Variants in PIK3C3 observed in about 807,000 individuals in gnomAD.
The protein encoded by PIK3C3 is PI3-kinase type 3.
A neutral mutation model predicts 126.1 loss-of-function variants in PIK3C3; 95 were observed. That is an observed-to-expected ratio of 0.75 (90% CI 0.64 to 0.89). PIK3C3 has a LOEUF of 0.89. PIK3C3 is among the 40% of genes least tolerant of loss of function. The pLI is 0.00. For synonymous variants in PIK3C3, 374 were observed against 360.0 expected (o/e 1.04, Z -0.44); for missense variants, 829 against 1,063.2 (o/e 0.78, Z 3.06).
chr18:42,035,190 A>G (rs1290776948), intron 16 of PIK3C3, among the ~76,000 whole-genome samples: 1 of 152,120 alleles, frequency 6.6e-6, no homozygotes. Context: ...CTTGCAGTCT[A>G]CTGGAGACTG....
At position 42,058,016 on chromosome 18, in the gene PIK3C3, T is replaced by C; in HGVS notation, c.2397T>C (p.Arg799=). 1.2e-6 allele frequency: 2 copies of C among 1,611,112 alleles called. No homozygotes were observed. The highest frequency in any genetic ancestry group is 3.4e-5 in the Admixed American group (2 of 59,400). The part of the protein sequence containing the change: ...GTQSEQYQEF[R]KQCYTAFLHL... ...AGAGTGAGCAGTACCAAGAGTTCCG[T>C]AAACAGTGTTACACGGCTTTCCTCC... The change falls in exon 22 of 25, where the codon CGT becomes CGC. Residue 799 remains arginine (R), a synonymous_variant. Coordinates refer to ENST00000262039, the MANE Select transcript of PIK3C3 (RefSeq NM_002647.4).
rs1986370169 is a variant in PIK3C3, at chr18:42,085,009, C to T, written c.*3872C>T. Reference sequence around the variant, plus strand: ...TTTGAGGCTCTGTTACGCTGGTCATCCAACCCAACCAGGTATCTCTTGTTA... The same window carrying T: ...TTTGAGGCTCTGTTACGCTGGTCATTCAACCCAACCAGGTATCTCTTGTTA... On this transcript the variant is annotated 3_prime_UTR_variant, in exon 25 of 25. Coordinates refer to ENST00000262039, the MANE Select transcript of PIK3C3 (RefSeq NM_002647.4). 6.6e-6 allele frequency: 1 copy of T among 152,220 alleles called. No individual in the cohort carries two copies. Among genetic ancestry groups the T allele is most frequent in the Non-Finnish European group, 1.5e-5 (1 of 68,038 alleles). 9.4% of individuals were successfully genotyped at this position (152,220 alleles called of 1,614,324 possible).
rs1986348124 is a variant in PIK3C3 at position 42,084,409 on chromosome 18, C to A, written c.*3272C>A. The A allele has an allele frequency of 6.6e-6, 1 of 151,870 alleles. No homozygotes were observed. The highest frequency in any genetic ancestry group is 1.5e-5 in the Non-Finnish European group (1 of 67,974). 9.4% of individuals were successfully genotyped at this position (151,870 alleles called of 1,614,324 possible). A position where few individuals can be genotyped will look rare whatever the true frequency, so the allele number is the denominator to read the frequency against. ...AAATTTGAAGAACAATGTGAACTTT[C>A]TATAATTATATACAGAAAATATACT... On this transcript the variant is annotated 3_prime_UTR_variant, in exon 25 of 25. Transcript: ENST00000262039.
chr18:42,019,439 C>G (rs1983223096), intron 12 of PIK3C3, among the ~76,000 whole-genome samples: 1 of 152,126 alleles, frequency 6.6e-6, no homozygotes, highest in South Asian at 2.1e-4. Flanking sequence ...GACCTTAATA[C>G]TTTTGGTTGC....
intron 12 of PIK3C3, 73 bp from the exon 13 acceptor site, chr18:42,020,565 A>G: frequency 1.1e-6 from 1 of 949,500 alleles, no homozygotes; most frequent in East Asian, 2.5e-5. Context: ...CTGATAGGCA[A>G]ATGTAAACTT....
intron 13 of PIK3C3, chr18:42,025,963 T>C (rs1236649669): frequency 1.3e-5 from 2 of 152,162 alleles, no homozygotes; most frequent in South Asian, 2.1e-4. Flanking sequence ...TCTCATGAAG[T>C]TGACCATCTG....
At chr18:41,962,422 G>T (rs936991960) in intron 2 of PIK3C3, 67 bp from the exon 3 acceptor site, 7 of 1,288,218 alleles carry the variant, frequency 5.4e-6, no homozygotes, top group African/African-American at 4.8e-5. Context: ...TTTTTGTGTG[G>T]TTTGTTAATT....
rs561582471 is a variant in PIK3C3 at position 42,064,546 on chromosome 18, G to A, written c.2433-194G>A. 2.1e-5 allele frequency: 11 copies of A among 523,730 alleles called. No individual in the cohort carries two copies. The East Asian group carries it at 3.3e-4, about 16-fold the overall frequency. The allele number at this position is 523,730 out of a possible 1,614,324, so 32.4% of individuals were successfully genotyped here. A position where few individuals can be genotyped will look rare whatever the true frequency, so the allele number is the denominator to read the frequency against. On this transcript the variant is annotated intron_variant, in intron 22 of 24. Coordinates refer to ENST00000262039, the MANE Select transcript of PIK3C3 (RefSeq NM_002647.4). ...CCATGGTGTAGGATTTAGAAATGGT[G>A]TTATACGAAGACCCCAAAATAAAAT...
At chr18:42,042,449 T>C (rs1326341455) in intron 19 of PIK3C3, among the ~76,000 whole-genome samples, 1 of 152,222 alleles carries the variant, frequency 6.6e-6, no homozygotes, top group Non-Finnish European at 1.5e-5. Flanking sequence ...TCAGTGGTCC[T>C]GGGGACCCGT....
At chr18:42,024,813 C>CT (rs1275997485) in intron 13 of PIK3C3, among the ~76,000 whole-genome samples, 5 of 139,886 alleles carry the variant, frequency 3.6e-5, no homozygotes, top group Admixed American at 7.1e-5. Flanking sequence ...TTTTTTTTTT[C>CT]TTTTTTTTGA....
intron 12 of PIK3C3, 128 bp downstream of exon 12, chr18:42,015,694 A>G (rs1338022762): frequency 1.5e-6 from 1 of 674,224 alleles, no homozygotes; most frequent in Non-Finnish European, 2.5e-6. Flanking sequence ...AACTTACTTT[A>G]TGATGCACGT....
chr18:42,047,847 A>G (rs1260681627), intron 20 of PIK3C3, among the ~76,000 whole-genome samples: 3 of 152,194 alleles, frequency 2.0e-5, no homozygotes, highest in African/African-American at 7.2e-5. Context: ...AGTCTGTGGG[A>G]TCACATTTTG....
chr18:41,979,930 C>T (rs1981114479), intron 4 of PIK3C3, among the ~76,000 whole-genome samples: 1 of 149,680 alleles, frequency 6.7e-6, no homozygotes, highest in Non-Finnish European at 1.5e-5. Context: ...GAAAATTAAC[C>T]TCAGACTATT....
intron 15 of PIK3C3, among the ~76,000 whole-genome samples, chr18:42,029,839 G>A (rs1003428281): frequency 1.4e-4 from 21 of 151,868 alleles, no homozygotes; most frequent in African/African-American, 4.1e-4. Context: ...CACTGCGCCC[G>A]GCCTATTGTG....
chr18:41,977,871 G>A (rs1398329693), intron 4 of PIK3C3, among the ~76,000 whole-genome samples: 1 of 152,186 alleles, frequency 6.6e-6, no homozygotes, highest in Non-Finnish European at 1.5e-5. Context: ...TCAGGCTTTT[G>A]TCAGATTATT....
intron 3 of PIK3C3, among the ~76,000 whole-genome samples, chr18:41,967,407 C>T (rs942196072): frequency 2.6e-5 from 4 of 152,146 alleles, no homozygotes; most frequent in Non-Finnish European, 5.9e-5. Context: ...ATAGTTTTCT[C>T]AGATGTTTCT....
At chr18:42,004,025 G>T (rs577040207) in intron 9 of PIK3C3, among the ~76,000 whole-genome samples, 1 of 152,122 alleles carries the variant, frequency 6.6e-6, no homozygotes, top group Non-Finnish European at 1.5e-5. Context: ...CTTAGAGTTC[G>T]TGAGAAATGC....
In PIK3C3 at chr18:41,970,311, TTC is replaced by T. The variant is rs755005901; in HGVS notation, c.402-12_402-11del. 1.2e-6 allele frequency: 2 copies of T among 1,611,342 alleles called. No homozygotes were observed. The highest frequency in any genetic ancestry group is 1.7e-5 in the Admixed American group (1 of 60,012). On this transcript the variant is annotated splice_polypyrimidine_tract_variant and intron_variant, in intron 3 of 24. Coordinates refer to ENST00000262039, the MANE Select transcript of PIK3C3 (RefSeq NM_002647.4). ...TATTAATTTACTTCTACCCTGAACATTCTCTTTTTCCCTAGCATGTTTCGCCA... is the reference window on the plus strand; with the variant it reads ...TATTAATTTACTTCTACCCTGAACATTCTTTTTCCCTAGCATGTTTCGCCA...
intron 24 of PIK3C3, among the ~76,000 whole-genome samples, chr18:42,068,026 A>G (rs1333941629): frequency 6.6e-6 from 1 of 152,222 alleles, no homozygotes; most frequent in Admixed American, 6.5e-5. Flanking sequence ...AAGGATGACT[A>G]TGAAAATGGT....
Sources: gnomAD v4.1 joint callset for allele counts (sites outside exome capture counted in the v4.1 genomes callset) on GRCh38, gnomAD v4.1.1 for gene constraint, MANE v1.5 for transcripts, NCBI Gene and HGNC (gene_info 2026-07-23, HGNC 2026-07-21) for gene names.